Variants in MGA observed in about 807,000 individuals in gnomAD.
MGA encodes MAX dimerization protein MGA.
A neutral mutation model predicts 261.1 loss-of-function variants in MGA; 40 were observed. That is an observed-to-expected ratio of 0.15 (90% CI 0.12 to 0.20). The LOEUF (loss-of-function observed/expected upper bound fraction) is 0.20. Among genes scored for constraint, MGA ranks in the 10% least tolerant of loss-of-function variants. MGA has a pLI of 1.00. For missense variants in MGA, 3,397 were observed against 3,630.5 expected (o/e 0.94, Z 1.65); for synonymous variants, 1,302 against 1,290.6 (o/e 1.01, Z -0.19).
chr15:41,647,150 A>C (rs1355651492), intron 1 of MGA, among the ~76,000 whole-genome samples: 1 of 152,140 alleles, frequency 6.6e-6, no homozygotes, highest in African/African-American at 2.4e-5. Flanking sequence ...AAATTGATAA[A>C]ATTTATGGAC....
chr15:41,640,967 A>G (rs572624764), intron 1 of MGA, among the ~76,000 whole-genome samples: 7 of 152,354 alleles, frequency 4.6e-5, no homozygotes, highest in South Asian at 4.1e-4. Context: ...AAGCAACACT[A>G]TACTCATTAG....
chr15:41,740,029 A>G (rs765456067), intron 13 of MGA: 2 of 1,613,920 alleles, frequency 1.2e-6, no homozygotes, highest in Non-Finnish European at 1.7e-6. Flanking sequence ...GGACCTCTCA[A>G]CCCTCAGTAC....
chr15:41,657,056 A>C (rs1182232237), upstream of MGA, among the ~76,000 whole-genome samples: 1 of 152,236 alleles, frequency 6.6e-6, no homozygotes, highest in Non-Finnish European at 1.5e-5. Context: ...CTGGGATTAC[A>C]GGCGTGAACC....
At chr15:41,730,917 T>A (rs561142833) in intron 11 of MGA, among the ~76,000 whole-genome samples, 1 of 152,296 alleles carries the variant, frequency 6.6e-6, no homozygotes, top group East Asian at 1.9e-4. Context: ...GCTGAGGCTG[T>A]GAAAAGAAGA....
intron 5 of MGA, among the ~76,000 whole-genome samples, chr15:41,704,946 TATG>T (rs2060032017): frequency 6.6e-6 from 1 of 152,200 alleles, no homozygotes; most frequent in Non-Finnish European, 1.5e-5. Context: ...TAGCTTCTAA[TATG>T]GTGAAATGAA....
intron 12 of MGA, 29 bp from the exon 13 acceptor site, chr15:41,736,152 T>C (rs1347226155): frequency 1.4e-6 from 2 of 1,453,566 alleles, no homozygotes; most frequent in East Asian, 2.5e-5. Context: ...TCTTTCAACT[T>C]TTTCTTTTTT....
intron 9 of MGA, among the ~76,000 whole-genome samples, chr15:41,717,839 A>T (rs1161425843): frequency 6.6e-6 from 1 of 152,190 alleles, no homozygotes; most frequent in African/African-American, 2.4e-5. Context: ...TTTCTAAATA[A>T]AAGTTTAGCA....
At chr15:41,662,800 A>C (rs1270390822) in intron 1 of MGA, among the ~76,000 whole-genome samples, 1 of 152,176 alleles carries the variant, frequency 6.6e-6, no homozygotes, top group East Asian at 1.9e-4. Flanking sequence ...CCATATTCTT[A>C]TAGTGAAGGA....
In MGA at chr15:41,736,440, T is replaced by G; in HGVS notation, c.4176T>G (p.Ser1392=). 6.2e-7 allele frequency: 1 copy of G among 1,614,058 alleles called. No homozygotes were observed. The highest frequency in any genetic ancestry group is 1.6e-4 in the Middle Eastern group (1 of 6,062). Residue 1392 remains serine, a synonymous_variant, in exon 13 of 24, where the codon TCT becomes TCG. Coordinates refer to ENST00000219905, the MANE Select transcript of MGA (RefSeq NM_001164273.2). ...GTGAGAAGAACCCTCCTGTTTATTC[T>G]TCTCGTGTGAAAATCTCTATGCCAT...
chr15:41,649,598 G>C (rs16952372), intron 1 of MGA, among the ~76,000 whole-genome samples: 84,406 of 151,936 alleles, frequency 0.56, 25,244 homozygotes, highest in Middle Eastern at 0.73. Context: ...GGAAGGGAGA[G>C]GAGGATATGT....
At chr15:41,624,062 A>C (rs2056381646) in intron 1 of MGA, among the ~76,000 whole-genome samples, 1 of 150,224 alleles carries the variant, frequency 6.7e-6, no homozygotes. Context: ...CACCGAGCCC[A>C]GCAAATTAAA....
Position 41,734,405 on chromosome 15 carries a change from A to G in MGA, c.3844-117A>G, listed in dbSNP as rs1458373507. The G allele has an allele frequency of 5.0e-6, 4 of 802,648 alleles. No individual in the cohort carries two copies. The East Asian group carries it at 1.1e-4, about 22-fold the overall frequency. The allele number at this position is 802,648 out of a possible 1,614,324, so 49.7% of individuals were successfully genotyped here. ...GTGCATGTGGATTGAAGCTGTTGAC[A>G]TTTCAGTCATTCTAATGATTTAAAC... On this transcript the variant is annotated intron_variant, in intron 11 of 23. Transcript: ENST00000219905.
At chr15:41,635,482 G>A (rs969610953) in intron 1 of MGA, among the ~76,000 whole-genome samples, 2 of 152,076 alleles carry the variant, frequency 1.3e-5, no homozygotes, top group African/African-American at 4.8e-5. Flanking sequence ...GGCCAAGGTG[G>A]GAGTTTGAGA....
At chr15:41,654,598 T>C (rs1415027877) in intron 1 of MGA, among the ~76,000 whole-genome samples, 1 of 152,168 alleles carries the variant, frequency 6.6e-6, no homozygotes, top group Non-Finnish European at 1.5e-5. Flanking sequence ...TTGTAAACAA[T>C]TTTCCAGTAT....
At chr15:41,621,704 G>A (rs1045692428) in intron 1 of MGA, 3 of 151,992 alleles carry the variant, frequency 2.0e-5, no homozygotes, top group African/African-American at 7.3e-5. Flanking sequence ...GGGGGAAGGA[G>A]AGGGTGGCGG....
At chr15:41,660,786 G>T (rs2057346396) in intron 1 of MGA, among the ~76,000 whole-genome samples, 1 of 152,168 alleles carries the variant, frequency 6.6e-6, no homozygotes, top group Non-Finnish European at 1.5e-5. Flanking sequence ...GAACATCGAC[G>T]CCAGAGAGAG....
At chr15:41,642,667 A>G (rs2056847217) in intron 1 of MGA, among the ~76,000 whole-genome samples, 1 of 151,958 alleles carries the variant, frequency 6.6e-6, no homozygotes, top group Non-Finnish European at 1.5e-5. Flanking sequence ...TATTTTTAGT[A>G]TTGACGGGGT....
At chr15:41,652,500 G>A (rs1414882102) in intron 1 of MGA, among the ~76,000 whole-genome samples, 1 of 151,554 alleles carries the variant, frequency 6.6e-6, no homozygotes, top group African/African-American at 2.4e-5. Context: ...GAGTAGCTAG[G>A]ACTATAGGCA....
chr15:41,625,746 C>G (rs897360666), intron 1 of MGA, among the ~76,000 whole-genome samples: 1 of 151,934 alleles, frequency 6.6e-6, no homozygotes, highest in Admixed American at 6.6e-5. Flanking sequence ...TAAATAAATA[C>G]GGTGCCTTTA....
Sources: allele counts gnomAD v4.1 joint callset (sites outside exome capture counted in the v4.1 genomes callset), GRCh38; gene constraint gnomAD v4.1.1; transcripts MANE v1.5; gene names NCBI Gene and HGNC (gene_info 2026-07-23, HGNC 2026-07-21).